AP2A1: variants seen among roughly 807,000 people sequenced by gnomAD.
AP2A1 encodes AP-2 complex subunit alpha-1.
AP2A1 carries 21 observed loss-of-function variants against 107.3 expected under a neutral mutation model. That is an observed-to-expected ratio of 0.20 (90% CI 0.14 to 0.28). The LOEUF (loss-of-function observed/expected upper bound fraction) is 0.28. AP2A1 is among the 10% of genes least tolerant of loss of function. The pLI is 1.00. For synonymous variants in AP2A1, 602 were observed against 564.8 expected (o/e 1.07, Z -0.93); for missense variants, 873 against 1,307.7 (o/e 0.67, Z 5.13).
chr19:49,778,280 T>C (rs1273644), intron 1 of AP2A1, among the ~76,000 whole-genome samples: 77,278 of 152,018 alleles, frequency 0.51, 19,833 homozygotes, highest in East Asian at 0.55. Flanking sequence ...TTGTTGCTGC[T>C]GGGCTGTAAA....
intron 7 of AP2A1, among the ~76,000 whole-genome samples, chr19:49,798,514 T>G (rs911174027): frequency 6.6e-6 from 1 of 152,148 alleles, no homozygotes; most frequent in African/African-American, 2.4e-5. Flanking sequence ...ATGAGGAAAC[T>G]GAGGCTCACA....
chr19:49,772,559 G>A (rs1160075379), intron 1 of AP2A1, among the ~76,000 whole-genome samples: 3 of 151,100 alleles, frequency 2.0e-5, no homozygotes, highest in Non-Finnish European at 4.4e-5. Flanking sequence ...GCGGTGGTGC[G>A]ATCTCGGCTC....
At chr19:49,789,060 G>T (rs2073109828) in intron 4 of AP2A1, among the ~76,000 whole-genome samples, 1 of 152,200 alleles carries the variant, frequency 6.6e-6, no homozygotes, top group Non-Finnish European at 1.5e-5. Context: ...GCGAGTATCT[G>T]CCTGGATGAC....
intron 4 of AP2A1, among the ~76,000 whole-genome samples, chr19:49,783,861 G>A (rs946520677): frequency 6.6e-6 from 1 of 152,200 alleles, no homozygotes; most frequent in African/African-American, 2.4e-5. Context: ...TGTCTGAAAC[G>A]TTGGCACGGA....
In AP2A1 at chr19:49,805,494, G is replaced by C; in HGVS notation, c.2386G>C (p.Gly796Arg). 6.4e-7 allele frequency: 1 copy of C among 1,555,230 alleles called. No homozygotes were observed. The highest frequency in any genetic ancestry group is 8.7e-7 in the Non-Finnish European group (1 of 1,150,082). The change falls in exon 19 of 23, where the codon GGC (glycine) becomes CGC (arginine). Residue 796 changes from glycine to arginine, a missense_variant. Coordinates refer to ENST00000354293, the MANE Select transcript of AP2A1 (RefSeq NM_130787.3). ...CAAGCGCGTGGCGGCGCAGGTGGAC[G>C]GCGGCGCGCAGGTGCAGCAGGTGCT... is the stretch of plus-strand genomic sequence containing the variant. Reference protein sequence around the residue: ...QTKRVAAQVDGGAQVQQVLNI... With the variant: ...QTKRVAAQVDRGAQVQQVLNI...
intron 14 of AP2A1, 29 bp from the exon 15 acceptor site, chr19:49,801,952 G>C: frequency 2.7e-6 from 4 of 1,469,156 alleles, no homozygotes; most frequent in Non-Finnish European, 3.6e-6. Context: ...GGCGCCGCCT[G>C]TCCTCACCGT....
rs1428071638 is a variant in AP2A1 at position 49,799,447 on chromosome 19, C to T, written c.1086C>T (p.Ser362=). Residue 362 remains serine, a synonymous_variant, in exon 9 of 23, where the codon TCC becomes TCT. Transcript: ENST00000354293. ...SMCTLASSEF[S]HEAVKTHIDT... ...GCACGCTGGCCAGCTCCGAGTTCTCCCATGAAGCCGTCAAGACGCACATTG... is the reference window on the plus strand; with the variant it reads ...GCACGCTGGCCAGCTCCGAGTTCTCTCATGAAGCCGTCAAGACGCACATTG... 2 of 1,611,854 alleles carry T rather than the reference C, an allele frequency of 1.2e-6. No homozygotes were observed. The highest frequency in any genetic ancestry group is 1.7e-6 in the Non-Finnish European group (2 of 1,179,372).
At chr19:49,772,261 T>TGTTTTTG (rs1188041329) in intron 1 of AP2A1, among the ~76,000 whole-genome samples, 1 of 131,096 alleles carries the variant, frequency 7.6e-6, no homozygotes, top group African/African-American at 2.8e-5. Flanking sequence ...TTTTTTTTTT[T>TGTTTTTG]TTTTTTTTTT....
In AP2A1 at chr19:49,788,087, C is replaced by A. The variant is rs2073096111; in HGVS notation, c.474-3848C>A. Among the ~76,000 whole-genome samples, 1 of 152,172 alleles carries A rather than the reference C, an allele frequency of 6.6e-6. No homozygotes were observed. Among genetic ancestry groups the A allele is most frequent in the Non-Finnish European group, 1.5e-5 (1 of 68,032 alleles). On this transcript the variant is annotated intron_variant, in intron 4 of 22. Coordinates refer to ENST00000354293, the MANE Select transcript of AP2A1 (RefSeq NM_130787.3). The surrounding 1 kb of genome is among the most constrained non-coding windows in gnomAD (Gnocchi z 4.5). ...TCAGCCACTCCAGCAGCCGGGACTA[C>A]AGGCACAAGCCACCAGGCCTGGCTA...
At chr19:49,772,813 T>C (rs1279372220) in intron 1 of AP2A1, among the ~76,000 whole-genome samples, 1 of 151,864 alleles carries the variant, frequency 6.6e-6, no homozygotes, top group African/African-American at 2.4e-5. Flanking sequence ...GAATTCTTTC[T>C]GGAAACAAAA....
intron 16 of AP2A1, 43 bp from the exon 17 acceptor site, chr19:49,803,064 G>A: frequency 6.2e-7 from 1 of 1,613,830 alleles, no homozygotes; most frequent in Non-Finnish European, 8.5e-7. Context: ...CAGGCCAGGT[G>A]CAGACAGGCA....
At chr19:49,790,915 G>A (rs750986705) in intron 4 of AP2A1, among the ~76,000 whole-genome samples, 1 of 152,214 alleles carries the variant, frequency 6.6e-6, no homozygotes, top group Non-Finnish European at 1.5e-5. Context: ...TCCTGCTGTC[G>A]TGTTAACATC....
chr19:49,796,344 G>A (rs1600236125), intron 7 of AP2A1: 2 of 152,398 alleles, frequency 1.3e-5, no homozygotes, highest in East Asian at 1.9e-4. Flanking sequence ...GTAAGTGGCA[G>A]TTGGCCCCCA....
chr19:49,793,169 C>A, intron 6 of AP2A1, 77 bp downstream of exon 6: 1 of 1,338,658 alleles, frequency 7.5e-7, no homozygotes, highest in Non-Finnish European at 1.0e-6. Flanking sequence ...CAGGCCCCCA[C>A]TCTCCCTGAG....
intron 7 of AP2A1, 100 bp from the exon 8 acceptor site, chr19:49,798,702 T>C: frequency 2.1e-6 from 3 of 1,462,614 alleles, no homozygotes; most frequent in Non-Finnish European, 2.7e-6. Context: ...CACCCCGAGC[T>C]CCTCCTTTGG....
intron 4 of AP2A1, among the ~76,000 whole-genome samples, chr19:49,790,592 G>A (rs759264129): frequency 1.4e-4 from 21 of 152,102 alleles, no homozygotes; most frequent in Non-Finnish European, 2.8e-4. Context: ...AGAGATGGGG[G>A]TCTCACCATG....
chr19:49,801,955 C>T, intron 14 of AP2A1, 26 bp from the exon 15 acceptor site: 3 of 1,470,814 alleles, frequency 2.0e-6, no homozygotes, highest in Middle Eastern at 1.8e-4. Context: ...GCCGCCTGTC[C>T]TCACCGTGAC....
chr19:49,775,950 A>G (rs1466156545), intron 1 of AP2A1, among the ~76,000 whole-genome samples: 2 of 152,102 alleles, frequency 1.3e-5, no homozygotes, highest in East Asian at 3.9e-4. Flanking sequence ...ATGTTTAGGG[A>G]AGGCGTTATC....
intron 8 of AP2A1, 26 bp downstream of exon 8, chr19:49,798,978 T>G: frequency 1.3e-6 from 2 of 1,551,556 alleles, no homozygotes; most frequent in Admixed American, 3.9e-5. Flanking sequence ...TATCAGGGCC[T>G]GATGCCTGGG....
Sources: allele counts gnomAD v4.1 joint callset (sites outside exome capture counted in the v4.1 genomes callset), GRCh38; gene constraint gnomAD v4.1.1; non-coding constraint Gnocchi (gnomAD v3.1); transcripts MANE v1.5; gene names NCBI Gene and HGNC (gene_info 2026-07-23, HGNC 2026-07-21).